The following SEL1L3 variants were observed in gnomAD, a reference collection of about 807,000 sequenced individuals.
The protein encoded by SEL1L3 is protein sel-1 homolog 3.
Under a neutral mutation model 142.8 loss-of-function variants are expected in SEL1L3, and 76 were observed. The observed-to-expected ratio is 0.53, with a 90% CI of 0.44 to 0.64. The LOEUF (loss-of-function observed/expected upper bound fraction) is 0.64. SEL1L3 is among the 30% of genes least tolerant of loss of function. The pLI is 0.00. For synonymous variants in SEL1L3, 504 were observed against 519.6 expected (o/e 0.97, Z 0.41); for missense variants, 1,262 against 1,381.7 (o/e 0.91, Z 1.37).
intron 13 of SEL1L3, among the ~76,000 whole-genome samples, chr4:25,785,914 A>G (rs949720366): frequency 4.6e-5 from 7 of 152,196 alleles, no homozygotes; most frequent in Non-Finnish European, 1.0e-4. Flanking sequence ...GACAACCCAC[A>G]CACTCTAGAA....
intron 9 of SEL1L3, among the ~76,000 whole-genome samples, chr4:25,806,514 A>C (rs926186673): frequency 2.0e-5 from 3 of 152,136 alleles, no homozygotes; most frequent in African/African-American, 7.2e-5. Flanking sequence ...AGAAGGACCC[A>C]CAGATGAAAT....
At chr4:25,724,747 AAAAAAAAAAAAAAAAAAAAAAAAAG>A in the SEL1L3 span, among the ~76,000 whole-genome samples, 1 of 98,144 alleles carries the variant, frequency 1.0e-5, no homozygotes, top group Non-Finnish European at 2.3e-5. Context: ...AAAAAAAAAA[AAAAAAAAAAAAAAAAAAAAAAAAAG>A]GAAAAGAAAT....
At chr4:25,779,873 C>CCCA (rs1719880595) in intron 15 of SEL1L3, among the ~76,000 whole-genome samples, 1 of 152,132 alleles carries the variant, frequency 6.6e-6, no homozygotes, top group African/African-American at 2.4e-5. Context: ...TCCTTACTAG[C>CCCA]TGTGTGGACT....
chr4:25,802,422 C>T lies in SEL1L3; in HGVS notation c.1817G>A (p.Arg606Lys). 6.2e-7 allele frequency: 1 copy of T among 1,613,852 alleles called. No individual in the cohort carries two copies. Among genetic ancestry groups the T allele is most frequent in the Non-Finnish European group, 8.5e-7 (1 of 1,179,822 alleles). Residue 606 changes from arginine (R) to lysine (K), a missense_variant, in exon 11 of 24, where the codon AGG (arginine) becomes AAG (lysine). By Grantham distance (26) the Arg-to-Lys change is conservative. Coordinates refer to ENST00000399878, the MANE Select transcript of SEL1L3 (RefSeq NM_015187.5). The part of the protein sequence containing the change: ...YSLVGGQGSE[R>K]LSSMNLGYKH... The stretch of plus-strand genomic sequence containing the variant: ...ATACCCAAGATTCATTGAAGACAGC[C>T]TCTCACTCCCCTGGCCTCCAACCAA...
chr4:25,721,781 TCCATGGGAAGC>T, the SEL1L3 span, among the ~76,000 whole-genome samples: 1 of 152,182 alleles, frequency 6.6e-6, no homozygotes, highest in African/African-American at 2.4e-5. Context: ...ACCTCCCACT[TCCATGGGAAGC>T]CTACACTTCT....
At chr4:25,823,252 A>G (rs1278950289) in intron 6 of SEL1L3, among the ~76,000 whole-genome samples, 1 of 152,234 alleles carries the variant, frequency 6.6e-6, no homozygotes, top group Non-Finnish European at 1.5e-5. Flanking sequence ...ATGGTGGCTC[A>G]CGCCTGTAAT....
At chr4:25,772,154 CT>C (rs1474174421) in intron 17 of SEL1L3, among the ~76,000 whole-genome samples, 3 of 152,290 alleles carry the variant, frequency 2.0e-5, no homozygotes, top group Non-Finnish European at 4.4e-5. Context: ...CATACATTTC[CT>C]ATTTAACCCC....
chr4:25,756,165 T>G (rs900514703), intron 23 of SEL1L3: 2 of 985,348 alleles, frequency 2.0e-6, no homozygotes, highest in Admixed American at 1.2e-4. Flanking sequence ...TCCAATGCCA[T>G]GTCCAGTCCT....
At chr4:25,840,712 T>C (rs114323476) in intron 2 of SEL1L3, among the ~76,000 whole-genome samples, 2,728 of 152,280 alleles carry the variant, frequency 0.018, 78 homozygotes, top group African/African-American at 0.062. Context: ...AGATTATACC[T>C]TGGAAAATAA....
intron 1 of SEL1L3, among the ~76,000 whole-genome samples, chr4:25,852,970 C>T (rs1444980965): frequency 6.6e-6 from 1 of 152,214 alleles, no homozygotes; most frequent in Non-Finnish European, 1.5e-5. Context: ...CATTATTTTA[C>T]ATCTTACTGC....
chr4:25,795,053 T>A (rs910836452), intron 11 of SEL1L3, among the ~76,000 whole-genome samples: 1 of 4,500 alleles, frequency 2.2e-4, no homozygotes, highest in Non-Finnish European at 4.1e-4. Flanking sequence ...TGGGGCCTCT[T>A]GGGGGGTGGG....
chr4:25,841,781 G>A (rs917564322), intron 2 of SEL1L3, among the ~76,000 whole-genome samples: 2 of 152,122 alleles, frequency 1.3e-5, no homozygotes, highest in African/African-American at 4.8e-5. Context: ...CCAACATAGC[G>A]AAACACCATC....
the SEL1L3 span, among the ~76,000 whole-genome samples, chr4:25,714,854 G>A: frequency 1.3e-5 from 2 of 152,126 alleles, no homozygotes; most frequent in South Asian, 2.1e-4. Flanking sequence ...TTACAGGTGT[G>A]AGCCACCGCG....
In SEL1L3 at chr4:25,831,443, T is replaced by C. The variant is rs967187735; in HGVS notation, c.1099-1287A>G. Among the ~76,000 whole-genome samples the C allele has an allele frequency of 3.3e-5, 5 of 150,780 alleles. 1 individual carries two copies. In the South Asian group the frequency reaches 1.0e-3, roughly 31 times the overall value. On this transcript the variant is annotated intron_variant, in intron 5 of 23. Coordinates refer to ENST00000399878, the MANE Select transcript of SEL1L3 (RefSeq NM_015187.5). The stretch of plus-strand genomic sequence containing the variant: ...CTAAGCATTCCAGCATAAAATGCTA[T>C]CTCCCTTCTAGGAATCAATACAAAT...
At chr4:25,820,593 G>T (rs138369488) in intron 7 of SEL1L3, among the ~76,000 whole-genome samples, 2 of 152,330 alleles carry the variant, frequency 1.3e-5, no homozygotes, top group Admixed American at 6.5e-5. Context: ...TTATTTCAGT[G>T]GGTGGGAACC....
In SEL1L3 at chr4:25,847,673, T is replaced by G. The variant is rs745363609; in HGVS notation, c.354A>C (p.Ser118=). 6.8e-6 allele frequency: 11 copies of G among 1,613,896 alleles called. No homozygotes were observed. The highest frequency in any genetic ancestry group is 2.7e-5 in the African/African-American group (2 of 74,930). ...PCVVNLEAVV[S]SEFRSSIPVY... ...CGGGAATGCTACTTCTGAACTCAGA[T>G]GAAACAACTGCTTCCAAATTGACAA... The change falls in exon 2 of 24, where the codon TCA becomes TCC. Residue 118 remains serine, a synonymous_variant. Coordinates refer to ENST00000399878, the MANE Select transcript of SEL1L3 (RefSeq NM_015187.5).
chr4:25,807,629 A>G (rs1713680109), intron 9 of SEL1L3, among the ~76,000 whole-genome samples: 1 of 152,126 alleles, frequency 6.6e-6, no homozygotes, highest in African/African-American at 2.4e-5. Flanking sequence ...AACTAAGATG[A>G]TGAATTTTGC....
At position 25,790,759 on chromosome 4, in the gene SEL1L3, GA is replaced by G. The variant is rs1712278803; in HGVS notation, c.1957-186del. On this transcript the variant is annotated intron_variant, in intron 11 of 23. Coordinates refer to ENST00000399878, the MANE Select transcript of SEL1L3 (RefSeq NM_015187.5). The stretch of plus-strand genomic sequence containing the variant: ...AGGAAGGAAGGAAGGAAGGAAGGAA[GA>G]AAGGAAGGGAGGAAGGAAGGAGGGA... Among the ~76,000 whole-genome samples the G allele has an allele frequency of 2.2e-5, 3 of 134,796 alleles. 1 individual carries two copies. In the South Asian group the frequency reaches 8.2e-4, roughly 37 times the overall value. The allele number at this position is 134,796 out of a possible 152,430, so 88.4% of individuals were successfully genotyped here.
At chr4:25,767,092 G>C (rs1475455937) in intron 19 of SEL1L3, among the ~76,000 whole-genome samples, 3 of 152,184 alleles carry the variant, frequency 2.0e-5, no homozygotes, top group African/African-American at 4.8e-5. Context: ...AGGAGTTTGA[G>C]ACCAGCCTGG....
Sources: gnomAD v4.1 joint callset for allele counts (sites outside exome capture counted in the v4.1 genomes callset) on GRCh38, gnomAD v4.1.1 for gene constraint, MANE v1.5 for transcripts, NCBI Gene and HGNC (gene_info 2026-07-23, HGNC 2026-07-21) for gene names.